Variants in CCDC85A observed in about 807,000 individuals in gnomAD.
CCDC85A encodes coiled-coil domain-containing protein 85A.
CCDC85A carries 38 observed loss-of-function variants against 50.2 expected under a neutral mutation model. That is an observed-to-expected ratio of 0.76 (90% CI 0.58 to 0.99). The LOEUF (loss-of-function observed/expected upper bound fraction) is 0.99, where lower values mean the gene tolerates loss of function less well. Among genes scored for constraint, CCDC85A ranks in the 50% least tolerant of loss-of-function variants. The pLI, the probability that CCDC85A is intolerant of heterozygous loss-of-function variation, is 0.00. For synonymous variants in CCDC85A, 366 were observed against 301.4 expected, an observed-to-expected ratio of 1.21 and a Z score of -2.22; for missense variants, 820 against 742.0, an observed-to-expected ratio of 1.11 and a Z score of -1.22.
intron 2 of CCDC85A, among the ~76,000 whole-genome samples, chr2:56,261,606 A>T (rs1670222587): frequency 6.6e-6 from 1 of 152,226 alleles, no homozygotes; most frequent in Non-Finnish European, 1.5e-5. Flanking sequence ...GTTGGATGGT[A>T]ACATACGCAT....
chr2:56,216,765 C>A (rs1232580576), intron 2 of CCDC85A, among the ~76,000 whole-genome samples: 1 of 145,202 alleles, frequency 6.9e-6, no homozygotes, highest in Admixed American at 6.8e-5. Context: ...CTTATTTCTC[C>A]TTTTATGAGC....
intron 2 of CCDC85A, among the ~76,000 whole-genome samples, chr2:56,255,572 G>C (rs1031988002): frequency 6.6e-6 from 1 of 152,040 alleles, no homozygotes; most frequent in Non-Finnish European, 1.5e-5. Flanking sequence ...TCACAGCCAG[G>C]ATAAGGGGCC....
rs991264039 is a variant in CCDC85A at position 56,241,470 on chromosome 2, C to T, written c.1240+48030C>T. Among the ~76,000 whole-genome samples the T allele has an allele frequency of 2.6e-5, 4 of 152,124 alleles. No homozygotes were observed. The East Asian group carries it at 7.7e-4, about 29-fold the overall frequency. On this transcript the variant is annotated intron_variant, in intron 2 of 5. Transcript: ENST00000407595. ...ATTAACCATCCCCAATTCCCCCTCC[C>T]CACCACATCCCCCATTATCTTTCTG...
At chr2:56,255,902 G>A (rs1264654269) in intron 2 of CCDC85A, among the ~76,000 whole-genome samples, 1 of 152,136 alleles carries the variant, frequency 6.6e-6, no homozygotes, top group Admixed American at 6.6e-5. Context: ...GTTAACATTG[G>A]TAACAAGGAG....
intron 2 of CCDC85A, among the ~76,000 whole-genome samples, chr2:56,239,524 A>C (rs1669164899): frequency 6.6e-6 from 1 of 151,918 alleles, no homozygotes; most frequent in Admixed American, 6.6e-5. Context: ...TAAGATCTGG[A>C]GCCTTGTAAA....
chr2:56,362,701 C>T (rs1050926760), intron 3 of CCDC85A, among the ~76,000 whole-genome samples: 4 of 152,118 alleles, frequency 2.6e-5, no homozygotes, highest in African/African-American at 4.8e-5. Flanking sequence ...TCATTGCAAC[C>T]TCTGCAACCT....
chr2:56,365,827 T>A (rs1320571020), intron 3 of CCDC85A, among the ~76,000 whole-genome samples: 4 of 152,164 alleles, frequency 2.6e-5, no homozygotes, highest in African/African-American at 7.2e-5. Context: ...TTGACTATAG[T>A]CACCATGCTG....
intron 3 of CCDC85A, among the ~76,000 whole-genome samples, chr2:56,353,485 G>A (rs924813479): frequency 3.3e-5 from 5 of 152,238 alleles, no homozygotes; most frequent in Non-Finnish European, 7.3e-5. Flanking sequence ...TGAACATTCT[G>A]AGACCAGGTG....
At chr2:56,238,467 A>G (rs1004517495) in intron 2 of CCDC85A, among the ~76,000 whole-genome samples, 2 of 152,034 alleles carry the variant, frequency 1.3e-5, no homozygotes, top group African/African-American at 2.4e-5. Context: ...AAATTAAAAA[A>G]CAACATATTT....
intron 2 of CCDC85A, among the ~76,000 whole-genome samples, chr2:56,318,020 G>A (rs1330314327): frequency 1.3e-5 from 2 of 152,036 alleles, no homozygotes; most frequent in East Asian, 1.9e-4. Flanking sequence ...TTTTTGTGTA[G>A]TCAGTCCAAG....
chr2:56,198,609 AGTTT>A (rs991749788), intron 2 of CCDC85A, among the ~76,000 whole-genome samples: 8 of 152,240 alleles, frequency 5.3e-5, no homozygotes, highest in African/African-American at 1.2e-4. Context: ...TTGAAAATAT[AGTTT>A]GTTTAAGAAA....
intron 2 of CCDC85A, among the ~76,000 whole-genome samples, chr2:56,310,987 T>C (rs568333533): frequency 6.6e-6 from 1 of 152,254 alleles, no homozygotes; most frequent in East Asian, 1.9e-4. Context: ...GGGGAGAAAA[T>C]ATATAACGGG....
At position 56,184,480 on chromosome 2, in the gene CCDC85A, C is replaced by A. The variant is rs1675904343; in HGVS notation, c.-145C>A. 1 of 935,000 alleles carries A rather than the reference C, an allele frequency of 1.1e-6. No homozygotes were observed. The highest frequency in any genetic ancestry group is 1.4e-6 in the Non-Finnish European group (1 of 722,520). The allele number at this position is 935,000 out of a possible 1,614,324, so 57.9% of individuals were successfully genotyped here. On this transcript the variant is annotated 5_prime_UTR_variant, in exon 1 of 6. Coordinates refer to ENST00000407595, the MANE Select transcript of CCDC85A (RefSeq NM_001080433.2). ...GGATGGCCACCCAGCGCGACCCCCG[C>A]CGCCCCAACCCAGCGGCCCCTGGGC...
chr2:56,384,164 T>C (rs1252547680), intron 5 of CCDC85A, 102 bp from the exon 6 acceptor site: 1 of 991,746 alleles, frequency 1.0e-6, no homozygotes, highest in Non-Finnish European at 1.5e-6. Flanking sequence ...GTCTCTTGTC[T>C]TTACTTCATC....
chr2:56,250,402 T>C lies in CCDC85A; in HGVS notation c.1240+56962T>C, dbSNP rs542545299. Among the ~76,000 whole-genome samples, 20 of 152,292 alleles carry C rather than the reference T, an allele frequency of 1.3e-4. 1 individual carries two copies. In the South Asian group the frequency reaches 4.1e-3, roughly 32 times the overall value. Reference sequence around the variant, plus strand: ...CTTAGTTTGAAGTTAGAAAACAAAGTAAACTGTCTGCTTGAACATTGTTGA... The same window carrying C: ...CTTAGTTTGAAGTTAGAAAACAAAGCAAACTGTCTGCTTGAACATTGTTGA... On this transcript the variant is annotated intron_variant, in intron 2 of 5. Transcript: ENST00000407595.
intron 2 of CCDC85A, among the ~76,000 whole-genome samples, chr2:56,315,849 A>G (rs73940656): frequency 0.013 from 1,927 of 152,280 alleles, 38 homozygotes; most frequent in African/African-American, 0.043. Context: ...AGTGTATTTC[A>G]TATTATGGAT....
intron 2 of CCDC85A, among the ~76,000 whole-genome samples, chr2:56,301,894 C>A (rs563869779): frequency 6.6e-6 from 1 of 152,146 alleles, no homozygotes; most frequent in Non-Finnish European, 1.5e-5. Context: ...CACCATGGCA[C>A]ATGCATACCT....
At position 56,184,648 on chromosome 2, in the gene CCDC85A, G is replaced by GGCGGCGGCT. The variant is rs1405955545; in HGVS notation, c.33_41dup (p.Ala13_Ala15dup). On this transcript the variant is annotated inframe_insertion, in exon 1 of 6. Coordinates refer to ENST00000407595, the MANE Select transcript of CCDC85A (RefSeq NM_001080433.2). ...CCATGTCGAAGGCGGCCGGAGGCGC[G>GGCGGCGGCT]GCGGCGGCTGCGGCGGCGGCGGAAA... is the stretch of plus-strand genomic sequence containing the variant. The GGCGGCGGCT allele has an allele frequency of 1.4e-5, 20 of 1,439,198 alleles. No individual in the cohort carries two copies. Among genetic ancestry groups the GGCGGCGGCT allele is most frequent in the Non-Finnish European group, 1.8e-5 (20 of 1,109,340 alleles). The allele number at this position is 1,439,198 out of a possible 1,614,324, so 89.2% of individuals were successfully genotyped here. A position where few individuals can be genotyped will look rare whatever the true frequency, so the allele number is the denominator to read the frequency against.
chr2:56,344,097 A>G (rs1674511621), intron 3 of CCDC85A, among the ~76,000 whole-genome samples: 2 of 152,178 alleles, frequency 1.3e-5, no homozygotes, highest in Non-Finnish European at 1.5e-5. Flanking sequence ...AGGGGAATAC[A>G]TTCCAAGACC....
Sources: allele counts gnomAD v4.1 joint callset (sites outside exome capture counted in the v4.1 genomes callset), GRCh38; gene constraint gnomAD v4.1.1; transcripts MANE v1.5; gene names NCBI Gene and HGNC (gene_info 2026-07-23, HGNC 2026-07-21).